The following CNTNAP2 variants were observed in gnomAD, a reference collection of about 807,000 sequenced individuals.
The protein encoded by CNTNAP2 is contactin associated protein 2.
A neutral mutation model predicts 155.2 loss-of-function variants in CNTNAP2; 98 were observed. That is an observed-to-expected ratio of 0.63 (90% CI 0.54 to 0.75). CNTNAP2 has a LOEUF of 0.75. Among genes scored for constraint, CNTNAP2 ranks in the 30% least tolerant of loss-of-function variants. The pLI, the probability that CNTNAP2 is intolerant of heterozygous loss-of-function variation, is 0.00. For missense variants in CNTNAP2, 1,727 were observed against 1,688.1 expected (o/e 1.02, Z -0.40); for synonymous variants, 651 against 631.2 (o/e 1.03, Z -0.47).
At chr7:147,667,784 G>GGCT (rs201751772) in intron 13 of CNTNAP2, among the ~76,000 whole-genome samples, 9 of 148,284 alleles carry the variant, frequency 6.1e-5, no homozygotes, top group Admixed American at 1.3e-4. Flanking sequence ...CTTTTACCCA[G>GGCT]GCTGCTGCTG....
At chr7:146,671,871 A>C (rs905384790) in intron 1 of CNTNAP2, among the ~76,000 whole-genome samples, 2 of 151,476 alleles carry the variant, frequency 1.3e-5, no homozygotes, top group Non-Finnish European at 2.9e-5. Context: ...ACTGAAGTGC[A>C]ATGTTGTGAT....
chr7:147,355,474 A>T (rs147570038), intron 9 of CNTNAP2, among the ~76,000 whole-genome samples: 1 of 152,270 alleles, frequency 6.6e-6, no homozygotes, highest in African/African-American at 2.4e-5. Context: ...AGATACAAAA[A>T]ACCTTTCAAA....
chr7:148,188,692 T>C (rs1795159257), intron 18 of CNTNAP2, among the ~76,000 whole-genome samples: 1 of 152,226 alleles, frequency 6.6e-6, no homozygotes, highest in African/African-American at 2.4e-5. Flanking sequence ...CATGTTAGAA[T>C]TTTGTACTAT....
At chr7:147,561,605 CTT>C (rs969955693) in intron 11 of CNTNAP2, among the ~76,000 whole-genome samples, 310 of 145,940 alleles carry the variant, frequency 2.1e-3, no homozygotes, top group African/African-American at 8.4e-3. Context: ...AAGGAAATCT[CTT>C]TCCTTTTTTT....
chr7:146,504,989 G>A (rs1797361225), intron 1 of CNTNAP2, among the ~76,000 whole-genome samples: 1 of 152,192 alleles, frequency 6.6e-6, no homozygotes, highest in African/African-American at 2.4e-5. Flanking sequence ...TACACATCAT[G>A]ATACCTGTGT....
At chr7:146,224,513 C>T (rs1278638648) in intron 1 of CNTNAP2, among the ~76,000 whole-genome samples, 10 of 150,618 alleles carry the variant, frequency 6.6e-5, no homozygotes, top group South Asian at 4.2e-4. Context: ...TTTGGGAGGC[C>T]GAGGCGGGCG....
chr7:147,517,010 C>T (rs59976939), intron 11 of CNTNAP2, among the ~76,000 whole-genome samples: 3,643 of 151,530 alleles, frequency 0.024, 128 homozygotes, highest in African/African-American at 0.084. Flanking sequence ...TGCAGGCACC[C>T]ACCACCACAC....
chr7:147,531,232 T>A (rs1799425926), intron 11 of CNTNAP2, among the ~76,000 whole-genome samples: 1 of 152,102 alleles, frequency 6.6e-6, no homozygotes, highest in Admixed American at 6.6e-5. Flanking sequence ...CATTTTGGGG[T>A]CTGGAGGATG....
At chr7:147,019,671 G>C (rs1308887131) in intron 3 of CNTNAP2, among the ~76,000 whole-genome samples, 1 of 152,044 alleles carries the variant, frequency 6.6e-6, no homozygotes, top group African/African-American at 2.4e-5. Context: ...TAGGTAGAAG[G>C]AATGCAGGTG....
At chr7:147,189,121 A>G (rs1802628145) in intron 8 of CNTNAP2, among the ~76,000 whole-genome samples, 1 of 152,164 alleles carries the variant, frequency 6.6e-6, no homozygotes, top group South Asian at 2.1e-4. Flanking sequence ...TTACTATTAC[A>G]TGTTATTTTC....
At chr7:146,211,468 T>A (rs1429662924) in intron 1 of CNTNAP2, among the ~76,000 whole-genome samples, 1 of 152,194 alleles carries the variant, frequency 6.6e-6, no homozygotes, top group Non-Finnish European at 1.5e-5. Flanking sequence ...CTTTTAATGC[T>A]GTATTTTTAA....
intron 1 of CNTNAP2, among the ~76,000 whole-genome samples, chr7:146,627,588 G>T (rs1049472046): frequency 6.6e-6 from 1 of 151,956 alleles, no homozygotes; most frequent in Non-Finnish European, 1.5e-5. Flanking sequence ...AATGGACGTA[G>T]GTACTATTGA....
chr7:146,259,011 T>A (rs1260899503), intron 1 of CNTNAP2, among the ~76,000 whole-genome samples: 3 of 152,090 alleles, frequency 2.0e-5, no homozygotes, highest in Non-Finnish European at 4.4e-5. Context: ...TGGAGGTGGT[T>A]TCCCCCATGC....
chr7:146,757,329 G>A (rs986062), intron 1 of CNTNAP2, among the ~76,000 whole-genome samples: 58,843 of 151,852 alleles, frequency 0.39, 13,146 homozygotes, highest in African/African-American at 0.62. Flanking sequence ...AAGGTAAAGG[G>A]GCAAAAAGAA....
chr7:146,221,219 G>A lies in CNTNAP2; in HGVS notation c.97+104246G>A, dbSNP rs117343288. Among the ~76,000 whole-genome samples the A allele has an allele frequency of 8.2e-4, 124 of 152,104 alleles. 4 individuals are homozygous for A. The East Asian group carries it at 0.021, about 25-fold the overall frequency. ...CATCCTCACAATATCCTCCCTTTGTGTCCTTCCCAATAATGCTCACACATG... is the reference window on the plus strand; with the variant it reads ...CATCCTCACAATATCCTCCCTTTGTATCCTTCCCAATAATGCTCACACATG... On this transcript the variant is annotated intron_variant, in intron 1 of 23. Transcript: ENST00000361727.
At chr7:146,649,214 G>A (rs1799865284) in intron 1 of CNTNAP2, among the ~76,000 whole-genome samples, 1 of 152,058 alleles carries the variant, frequency 6.6e-6, no homozygotes, top group Admixed American at 6.6e-5. Context: ...CTATTTTCAA[G>A]ATATTGTGCT....
At chr7:147,007,979 CTG>C (rs1212894566) in intron 3 of CNTNAP2, among the ~76,000 whole-genome samples, 5 of 152,056 alleles carry the variant, frequency 3.3e-5, no homozygotes, top group African/African-American at 1.2e-4. Context: ...GTTCATTTTC[CTG>C]TTTCTTGTTA....
intron 3 of CNTNAP2, among the ~76,000 whole-genome samples, chr7:146,924,009 A>G (rs575969094): frequency 2.6e-5 from 4 of 151,946 alleles, no homozygotes; most frequent in Non-Finnish European, 5.9e-5. Flanking sequence ...GCTTCCCCCA[A>G]CTGTTGTCTC....
At chr7:147,446,813 C>T (rs1258415451) in intron 10 of CNTNAP2, among the ~76,000 whole-genome samples, 1 of 152,094 alleles carries the variant, frequency 6.6e-6, no homozygotes, top group South Asian at 2.1e-4. Context: ...ATAGAAGATA[C>T]ATCTTATGCT....
Sources: allele counts gnomAD v4.1 joint callset (sites outside exome capture counted in the v4.1 genomes callset), GRCh38; gene constraint gnomAD v4.1.1; transcripts MANE v1.5; gene names NCBI Gene and HGNC (gene_info 2026-07-23, HGNC 2026-07-21).